Variants in DNAAF5 observed in about 807,000 individuals in gnomAD.
DNAAF5 encodes the protein HEAT repeat containing 2.
DNAAF5 carries 64 observed loss-of-function variants against 75.8 expected under a neutral mutation model. The ratio of observed to expected loss-of-function variants is 0.84; its 90% CI spans 0.69 to 1.04. The LOEUF is 1.04. Ranked by LOEUF, DNAAF5 falls within the 50% of genes least tolerant of loss-of-function variation. The pLI is 0.00. For synonymous variants in DNAAF5, 657 were observed against 557.2 expected (o/e 1.18, Z -2.52); for missense variants, 1,269 against 1,178.5 (o/e 1.08, Z -1.12).
chr7:732,186 C>T (rs1035423211), intron 2 of DNAAF5, among the ~76,000 whole-genome samples: 11 of 152,234 alleles, frequency 7.2e-5, no homozygotes, highest in African/African-American at 2.7e-4. Flanking sequence ...GCCTTAGGCC[C>T]CGGGATGGTG....
Position 741,440 on chromosome 7 carries a change from C to CCCCCCCCCCCCCT in DNAAF5, c.999_1000insCCCCCCCCCCCCT (p.Thr334ProfsTer13). ...AGGACAAGCTGGACTTTGCCCCTCCCACCCCACCCCATTACCCTCCACATG... is the reference window on the plus strand; with the variant it reads ...AGGACAAGCTGGACTTTGCCCCTCCCCCCCCCCCCCCCTACCCCACCCCATTACCCTCCACATG... On this transcript the variant is annotated frameshift_variant, in exon 4 of 13. Coordinates refer to ENST00000297440, the MANE Select transcript of DNAAF5 (RefSeq NM_017802.4). LOFTEE classifies it high-confidence loss of function. 6.4e-7 allele frequency: 1 copy of CCCCCCCCCCCCCT among 1,560,138 alleles called. No individual in the cohort carries two copies. Among genetic ancestry groups the CCCCCCCCCCCCCT allele is most frequent in the Non-Finnish European group, 8.7e-7 (1 of 1,149,748 alleles).
At chr7:741,950 T>G (rs956843670) in intron 4 of DNAAF5, among the ~76,000 whole-genome samples, 1 of 152,316 alleles carries the variant, frequency 6.6e-6, no homozygotes, top group East Asian at 1.9e-4. Context: ...ATTTCCAACC[T>G]GGGAACAGGG....
At position 741,615 on chromosome 7, in the gene DNAAF5, G is replaced by A. The variant is rs529161252; in HGVS notation, c.1024+150G>A. 2.1e-4 allele frequency: 127 copies of A among 602,930 alleles called. No homozygotes were observed. The African/African-American group carries it at 2.2e-3, about 10-fold the overall frequency. 37.3% of individuals were successfully genotyped at this position (602,930 alleles called of 1,614,324 possible). On this transcript the variant is annotated intron_variant, in intron 4 of 12. Transcript: ENST00000297440. ...TGCAGGCGTCTCCCCACTGGGCTGGGGCTCCTGCATCCTGGGCAGAGCACG... is the reference window on the plus strand; with the variant it reads ...TGCAGGCGTCTCCCCACTGGGCTGGAGCTCCTGCATCCTGGGCAGAGCACG...
rs559856561 is a variant in DNAAF5 at position 733,807 on chromosome 7, T to C, written c.780+3960T>C. On this transcript the variant is annotated intron_variant, in intron 2 of 12. Transcript: ENST00000297440. ...CTGCGCCTGGCCTTATAGTTTTCATTGTAGAGATCTTTCACTTCTTTGGTT... is the reference window on the plus strand; with the variant it reads ...CTGCGCCTGGCCTTATAGTTTTCATCGTAGAGATCTTTCACTTCTTTGGTT... 2.0e-4 allele frequency among the ~76,000 whole-genome samples: 30 copies of C among 152,338 alleles called. No individual in the cohort carries two copies. The South Asian group carries it at 6.2e-3, about 32-fold the overall frequency.
At chr7:729,631 C>T in intron 1 of DNAAF5, 32 bp from the exon 2 acceptor site, 1 of 1,601,304 alleles carries the variant, frequency 6.2e-7, no homozygotes, top group Non-Finnish European at 8.5e-7. Context: ...GTGGGAGCAG[C>T]TCTGGTAACT....
intron 4 of DNAAF5, among the ~76,000 whole-genome samples, chr7:749,271 C>T (rs80145109): frequency 0.015 from 2,315 of 152,284 alleles, 40 homozygotes; most frequent in East Asian, 0.12. Flanking sequence ...TTGGTGACAG[C>T]GGCTCCAGAG....
In DNAAF5 at chr7:727,153, C is replaced by G; in HGVS notation, c.433C>G (p.Leu145Val). The G allele has an allele frequency of 1.6e-6, 2 of 1,277,842 alleles. No individual in the cohort carries two copies. Among genetic ancestry groups the G allele is most frequent in the Non-Finnish European group, 2.0e-6 (2 of 1,008,754 alleles). The allele number at this position is 1,277,842 out of a possible 1,614,324, so 79.2% of individuals were successfully genotyped here. A position where few individuals can be genotyped will look rare whatever the true frequency, so the allele number is the denominator to read the frequency against. ...GGCCTGTGAGGAGCTGCGCCTGGCG[C>G]TTGTGCAGCTGCTGGGCCTGGCCGT... Reference protein sequence around the residue: ...PEACEELRLALVQLLGLAVDL... With the variant: ...PEACEELRLAVVQLLGLAVDL... Residue 145 changes from leucine (L) to valine (V), a missense_variant, in exon 1 of 13, where the codon CTT becomes GTT. Transcript: ENST00000297440.
intron 4 of DNAAF5, among the ~76,000 whole-genome samples, chr7:752,990 AAGG>A (rs1489787944): frequency 6.6e-6 from 1 of 152,258 alleles, no homozygotes; most frequent in Non-Finnish European, 1.5e-5. Flanking sequence ...GGGGAATGCA[AAGG>A]AAAAGCACAC....
rs760265283 is a variant in DNAAF5, at chr7:785,632, G to T, written c.2547G>T (p.Gln849His). 3.1e-6 allele frequency: 5 copies of T among 1,613,004 alleles called. No homozygotes were observed. The highest frequency in any genetic ancestry group is 4.2e-6 in the Non-Finnish European group (5 of 1,180,006). ...GCGAGCAGCTCCTGCAGCATGTGCA[G>T]GCCGTGCCAGCCACACAGTGACCAC... ...TYCEQLLQHV[Q>H]AVPATQ is the part of the protein sequence containing the mutation. Residue 849 changes from glutamine to histidine, a missense_variant, in exon 13 of 13, where the codon CAG becomes CAT. Transcript: ENST00000297440.
At chr7:740,254 C>T (rs1303590604) in intron 2 of DNAAF5, among the ~76,000 whole-genome samples, 1 of 152,222 alleles carries the variant, frequency 6.6e-6, no homozygotes, top group East Asian at 1.9e-4. Flanking sequence ...CTTCCGCCTG[C>T]ATAGGCAAGG....
intron 7 of DNAAF5, among the ~76,000 whole-genome samples, chr7:763,259 T>C (rs1782722318): frequency 6.6e-6 from 1 of 152,126 alleles, no homozygotes. Flanking sequence ...CGAAGCCAGG[T>C]AGCCCCAGAT....
At chr7:775,512 GT>G (rs1401971911) in intron 11 of DNAAF5, among the ~76,000 whole-genome samples, 22 of 14,614 alleles carry the variant, frequency 1.5e-3, no homozygotes, top group East Asian at 0.033. Flanking sequence ...AAAAGTAGGG[GT>G]GTGTGTGTGT....
At chr7:782,686 G>A (rs1262460290) in intron 12 of DNAAF5, among the ~76,000 whole-genome samples, 2 of 90,216 alleles carry the variant, frequency 2.2e-5, no homozygotes. Flanking sequence ...TGGCGTGGCC[G>A]CCTCCCGTCA....
chr7:741,037 G>A (rs1781891609), intron 3 of DNAAF5, 94 bp downstream of exon 3: 4 of 1,476,178 alleles, frequency 2.7e-6, no homozygotes, highest in African/African-American at 2.8e-5. Context: ...ACAGAAACCT[G>A]CTGGTGTCCC....
In DNAAF5 at chr7:780,062, TCAGAG is replaced by T; in HGVS notation, c.2353_2357del (p.Ser785CysfsTer13). The T allele has an allele frequency of 6.2e-7, 1 of 1,614,218 alleles. No individual in the cohort carries two copies. Among genetic ancestry groups the T allele is most frequent in the African/African-American group, 1.3e-5 (1 of 75,056 alleles). On this transcript the variant is annotated frameshift_variant, in exon 12 of 13. Coordinates refer to ENST00000297440, the MANE Select transcript of DNAAF5 (RefSeq NM_017802.4). LOFTEE classifies it high-confidence loss of function. ...AGGGTGCCAACGCAAAATCCTACTA[TCAGAG>T]CAGTGTCCAGTACCTGTACCGAGAG...
chr7:761,869 C>T lies in DNAAF5; in HGVS notation c.1587C>T (p.Leu529=), dbSNP rs1199079080. 4 of 1,584,360 alleles carry T rather than the reference C, an allele frequency of 2.5e-6. No individual in the cohort carries two copies. Among genetic ancestry groups the T allele is most frequent in the Non-Finnish European group, 2.6e-6 (3 of 1,165,828 alleles). The change falls in exon 7 of 13, where the codon CTC becomes CTT. Residue 529 remains leucine, a synonymous_variant. Coordinates refer to ENST00000297440, the MANE Select transcript of DNAAF5 (RefSeq NM_017802.4). ...LLDVLLTIVA[L]AGATGLRDKA... Reference sequence around the variant, plus strand: ...ACGTGCTGCTGACAATAGTGGCCCTCGCAGGTGCTACCGGCCTGAGGGACA... The same window carrying T: ...ACGTGCTGCTGACAATAGTGGCCCTTGCAGGTGCTACCGGCCTGAGGGACA...
At position 785,545 on chromosome 7, in the gene DNAAF5, C is replaced by G; in HGVS notation, c.2460C>G (p.Phe820Leu). ...TCCTCAAAGAGGGCAGCGGGCTGTTCCCAGATCTCCTGGTGAGGGAGACGG... is the reference window on the plus strand; with the variant it reads ...TCCTCAAAGAGGGCAGCGGGCTGTTGCCAGATCTCCTGGTGAGGGAGACGG... ...LEVLKEGSGL[F>L]PDLLVRETEA... The change falls in exon 13 of 13, where the codon TTC (phenylalanine) becomes TTG (leucine). Residue 820 changes from phenylalanine (F) to leucine (L), a missense_variant. Physicochemically the swap from Phe to Leu is conservative, Grantham distance 22. Coordinates refer to ENST00000297440, the MANE Select transcript of DNAAF5 (RefSeq NM_017802.4). 1.2e-6 allele frequency: 2 copies of G among 1,613,690 alleles called. No individual in the cohort carries two copies. The highest frequency in any genetic ancestry group is 2.7e-5 in the African/African-American group (2 of 75,062).
chr7:728,558 A>G (rs1583470430), intron 1 of DNAAF5, among the ~76,000 whole-genome samples: 1 of 152,234 alleles, frequency 6.6e-6, no homozygotes, highest in East Asian at 1.9e-4. Context: ...CTTGGGGAAG[A>G]ACCTTGGGCT....
chr7:751,208 A>T (rs534529181), intron 4 of DNAAF5, among the ~76,000 whole-genome samples: 8 of 152,136 alleles, frequency 5.3e-5, no homozygotes, highest in Non-Finnish European at 7.3e-5. Flanking sequence ...TTACAAAATG[A>T]TGACAGGATC....
Sources: allele counts gnomAD v4.1 joint callset (sites outside exome capture counted in the v4.1 genomes callset), GRCh38; gene constraint gnomAD v4.1.1; transcripts MANE v1.5; gene names NCBI Gene and HGNC (gene_info 2026-07-23, HGNC 2026-07-21).